TSPAN18: variants seen among roughly 807,000 people sequenced by gnomAD.
TSPAN18 encodes the protein tetraspanin-18.
A neutral mutation model predicts 27.3 loss-of-function variants in TSPAN18; 14 were observed. That is an observed-to-expected ratio of 0.51 (90% CI 0.34 to 0.80). The LOEUF is 0.80. TSPAN18 is among the 30% of genes least tolerant of loss of function. The pLI is 0.01. For missense variants in TSPAN18, 268 were observed against 323.9 expected, an observed-to-expected ratio of 0.83 and a Z score of 1.32; for synonymous variants, 143 against 136.5, an observed-to-expected ratio of 1.05 and a Z score of -0.33.
intron 2 of TSPAN18, among the ~76,000 whole-genome samples, chr11:44,851,022 C>T (rs1013972466): frequency 6.6e-6 from 1 of 152,234 alleles, no homozygotes; most frequent in African/African-American, 2.4e-5. Flanking sequence ...GCAACACCAT[C>T]CCAGGGCTGT....
intron 3 of TSPAN18, among the ~76,000 whole-genome samples, chr11:44,882,413 C>T: frequency 6.6e-6 from 1 of 152,150 alleles, no homozygotes; most frequent in Non-Finnish European, 1.5e-5. Flanking sequence ...CAGTGGTTCA[C>T]ACATGCAGAG....
chr11:44,904,400 G>T (rs192326666), intron 3 of TSPAN18, among the ~76,000 whole-genome samples: 1 of 152,244 alleles, frequency 6.6e-6, no homozygotes, highest in Admixed American at 6.5e-5. Context: ...ATCCAAAGCC[G>T]ATGTGCCTGT....
chr11:44,796,691 A>T (rs929631956), intron 2 of TSPAN18, among the ~76,000 whole-genome samples: 1 of 152,178 alleles, frequency 6.6e-6, no homozygotes, highest in African/African-American at 2.4e-5. Flanking sequence ...AGCCTCAGTC[A>T]CACAGCAACA....
chr11:44,886,294 T>C (rs1394161836), intron 3 of TSPAN18: 1 of 152,226 alleles, frequency 6.6e-6, no homozygotes, highest in African/African-American at 2.4e-5. Context: ...AGAAAGCTCA[T>C]TGCAGAGAGG....
chr11:44,914,758 A>G (rs7948921), intron 5 of TSPAN18, among the ~76,000 whole-genome samples: 44,929 of 152,130 alleles, frequency 0.3, 8,131 homozygotes, highest in East Asian at 0.62. Flanking sequence ...TGATAATAGC[A>G]TCTGTCTCAC....
intron 3 of TSPAN18, among the ~76,000 whole-genome samples, chr11:44,884,330 C>A (rs1174588437): frequency 9.9e-5 from 15 of 152,210 alleles, no homozygotes; most frequent in African/African-American, 3.6e-4. Context: ...TCAGCACAAC[C>A]GTTCCATGTG....
intron 3 of TSPAN18, among the ~76,000 whole-genome samples, chr11:44,864,958 G>C (rs950250551): frequency 1.3e-5 from 2 of 152,246 alleles, no homozygotes; most frequent in Non-Finnish European, 2.9e-5. Context: ...TCAGCCAGAG[G>C]TTGGTGAATG....
chr11:44,865,030 G>A (rs1041570056), intron 3 of TSPAN18, among the ~76,000 whole-genome samples: 3 of 152,222 alleles, frequency 2.0e-5, no homozygotes, highest in Admixed American at 6.5e-5. Flanking sequence ...AGCCTCAGCC[G>A]GGGTGGTTGG....
At chr11:44,886,785 A>G (rs835770) in intron 3 of TSPAN18, among the ~76,000 whole-genome samples, 151,553 of 152,368 alleles carry the variant, frequency 0.99, 75,378 homozygotes, top group East Asian at 1. Context: ...AATGACTTTG[A>G]ATGTCTTTTT....
chr11:44,742,555 T>C (rs908393336), intron 1 of TSPAN18, among the ~76,000 whole-genome samples: 1 of 152,066 alleles, frequency 6.6e-6, no homozygotes, highest in African/African-American at 2.4e-5. Flanking sequence ...TGCTCGGCCA[T>C]ACCCGCCATA....
intron 1 of TSPAN18, among the ~76,000 whole-genome samples, chr11:44,734,236 C>T (rs1416898008): frequency 6.6e-6 from 1 of 152,306 alleles, no homozygotes; most frequent in East Asian, 1.9e-4. Flanking sequence ...AACCCTCTTC[C>T]TTTATAAATT....
chr11:44,862,471 C>T (rs1421912221), intron 3 of TSPAN18, among the ~76,000 whole-genome samples: 2 of 152,226 alleles, frequency 1.3e-5, no homozygotes, highest in African/African-American at 4.8e-5. Context: ...GCCAGCTCAG[C>T]GCTCAGCACC....
chr11:44,771,762 G>T (rs1855694355), intron 2 of TSPAN18, among the ~76,000 whole-genome samples: 1 of 152,182 alleles, frequency 6.6e-6, no homozygotes, highest in Admixed American at 6.5e-5. Context: ...ATGATTTAAT[G>T]TGTACAGGAG....
chr11:44,924,983 G>A (rs1860296578), intron 8 of TSPAN18, among the ~76,000 whole-genome samples: 1 of 152,172 alleles, frequency 6.6e-6, no homozygotes, highest in Non-Finnish European at 1.5e-5. Flanking sequence ...CTGAATGGAG[G>A]GCCAGCCCTG....
At chr11:44,763,678 G>A (rs1406027061) in intron 1 of TSPAN18, among the ~76,000 whole-genome samples, 1 of 152,144 alleles carries the variant, frequency 6.6e-6, no homozygotes, top group Non-Finnish European at 1.5e-5. Flanking sequence ...ATTCTAGCTG[G>A]AAGCAAAGAA....
chr11:44,736,019 G>T (rs1854784760), intron 1 of TSPAN18, among the ~76,000 whole-genome samples: 1 of 152,096 alleles, frequency 6.6e-6, no homozygotes, highest in African/African-American at 2.4e-5. Flanking sequence ...CCATAGAGGT[G>T]GTAGTATCAT....
chr11:44,908,115 C>T (rs920622772), intron 4 of TSPAN18, among the ~76,000 whole-genome samples: 1 of 151,508 alleles, frequency 6.6e-6, no homozygotes, highest in African/African-American at 2.4e-5. Context: ...GAAACCCTGT[C>T]GCTGGCCATG....
At chr11:44,839,961 AG>A (rs1458981384) in intron 2 of TSPAN18, among the ~76,000 whole-genome samples, 2 of 152,180 alleles carry the variant, frequency 1.3e-5, no homozygotes, top group Admixed American at 6.5e-5. Context: ...GGCTGTCCTC[AG>A]TCCCTCACAG....
intron 2 of TSPAN18, among the ~76,000 whole-genome samples, chr11:44,859,381 T>G (rs1352412482): frequency 6.6e-6 from 1 of 152,200 alleles, no homozygotes; most frequent in Non-Finnish European, 1.5e-5. Flanking sequence ...CTCTGTGGGC[T>G]TCACAGACTT....
Sources: allele counts gnomAD v4.1 joint callset (sites outside exome capture counted in the v4.1 genomes callset), GRCh38; gene constraint gnomAD v4.1.1; transcripts MANE v1.5; gene names NCBI Gene and HGNC (gene_info 2026-07-23, HGNC 2026-07-21).